CFAP77: variants seen among roughly 807,000 people sequenced by gnomAD.
CFAP77 encodes cilia and flagella associated protein 77.
In CFAP77, 25 loss-of-function variants were observed where a neutral mutation model predicts 31.1. That is an observed-to-expected ratio of 0.80 (90% CI 0.59 to 1.12). The LOEUF (loss-of-function observed/expected upper bound fraction) is 1.12, where lower values mean the gene tolerates loss of function less well. Among genes scored for constraint, CFAP77 ranks in the 50% most tolerant of loss-of-function variants. The pLI is 0.00. For synonymous variants in CFAP77, 151 were observed against 159.9 expected (o/e 0.94, Z 0.42); for missense variants, 377 against 397.3 (o/e 0.95, Z 0.44).
rs763407211 is a variant in CFAP77 at position 132,410,495 on chromosome 9, G to C, written c.195+29G>C. ...AGCACCCCACGCCCACCGCGCTTTC[G>C]CTGTCGCCGGCTCCGGGCACCTGCG... On this transcript the variant is annotated intron_variant, in intron 1 of 5. Transcript: ENST00000393216. The C allele has an allele frequency of 6.6e-6, 10 of 1,519,454 alleles. No homozygotes were observed. The East Asian group carries it at 2.2e-4, about 33-fold the overall frequency. 94.1% of individuals were successfully genotyped at this position (1,519,454 alleles called of 1,614,324 possible). A position where few individuals can be genotyped will look rare whatever the true frequency, so the allele number is the denominator to read the frequency against.
At chr9:132,418,723 T>A (rs190333558) in intron 1 of CFAP77, among the ~76,000 whole-genome samples, 1 of 152,326 alleles carries the variant, frequency 6.6e-6, no homozygotes, top group East Asian at 1.9e-4. Flanking sequence ...GGCTCAATAA[T>A]TCATTAGATA....
rs1315895029 is a variant in CFAP77 at position 132,486,062 on chromosome 9, GTGTGTATA to G, written c.196-12631_196-12624del. Among the ~76,000 whole-genome samples the G allele has an allele frequency of 2.8e-4, 6 of 21,532 alleles. 2 individuals carry two copies. In the African/African-American group the frequency reaches 3.5e-3, roughly 13 times the overall value. 14.1% of individuals were successfully genotyped at this position (21,532 alleles called of 152,430 possible). On this transcript the variant is annotated intron_variant, in intron 1 of 5. Transcript: ENST00000393216. ...TATATGTATGTATATGTATGTGTGTGTGTGTATATATATATATATATATATATATTTTT... is the reference window on the plus strand; with the variant it reads ...TATATGTATGTATATGTATGTGTGTGTATATATATATATATATATATTTTT...
At position 132,455,917 on chromosome 9, in the gene CFAP77, GC is replaced by G. The variant is rs1850904676; in HGVS notation, c.196-42776del. 6.6e-6 allele frequency among the ~76,000 whole-genome samples: 1 copy of G among 152,200 alleles called. No homozygotes were observed. Among genetic ancestry groups the G allele is most frequent in the Admixed American group, 6.5e-5 (1 of 15,286 alleles). On this transcript the variant is annotated intron_variant, in intron 1 of 5. Coordinates refer to ENST00000393216, the MANE Select transcript of CFAP77 (RefSeq NM_001282957.2). This position sits in a 1 kb window ranked among gnomAD's most constrained non-coding sequence, Gnocchi z 4.1. Reference sequence around the variant, plus strand: ...AGACCCGAGTTCTCATCCAGCGTCAGCCACTTATTAGCTGTATAACCTTGAG... The same window carrying G: ...AGACCCGAGTTCTCATCCAGCGTCAGCACTTATTAGCTGTATAACCTTGAG...
intron 3 of CFAP77, among the ~76,000 whole-genome samples, chr9:132,533,649 A>C (rs7848753): frequency 0.022 from 3,364 of 152,352 alleles, 67 homozygotes; most frequent in Middle Eastern, 0.061. Flanking sequence ...TGGGAGGCCA[A>C]GGTGGGTGGA....
At chr9:132,558,632 G>C (rs949344344) in intron 5 of CFAP77, among the ~76,000 whole-genome samples, 2 of 152,040 alleles carry the variant, frequency 1.3e-5, no homozygotes, top group Admixed American at 6.6e-5. Flanking sequence ...TTGAATCCAG[G>C]AGGCAGAGGT....
chr9:132,477,037 G>A (rs1005811389), intron 1 of CFAP77, among the ~76,000 whole-genome samples: 6 of 152,262 alleles, frequency 3.9e-5, no homozygotes, highest in African/African-American at 1.2e-4. Flanking sequence ...CTGGTCTTGG[G>A]GCTGCCGGAG....
intron 3 of CFAP77, among the ~76,000 whole-genome samples, chr9:132,532,110 AAAAC>A (rs1243243864): frequency 6.6e-6 from 1 of 150,610 alleles, no homozygotes; most frequent in Non-Finnish European, 1.5e-5. Flanking sequence ...AAAGAACTGG[AAAAC>A]AAAGAACCAC....
intron 5 of CFAP77, among the ~76,000 whole-genome samples, chr9:132,557,990 C>A (rs1483920255): frequency 6.6e-6 from 1 of 152,168 alleles, no homozygotes; most frequent in Non-Finnish European, 1.5e-5. Flanking sequence ...CTCCCGTGCC[C>A]ACGGCAGACC....
chr9:132,564,696 A>G lies in CFAP77; in HGVS notation c.733-7692A>G, dbSNP rs1829863515. Among the ~76,000 whole-genome samples the G allele has an allele frequency of 6.6e-6, 1 of 152,262 alleles. No homozygotes were observed. The highest frequency in any genetic ancestry group is 1.5e-5 in the Non-Finnish European group (1 of 68,050). ...CTAAGCCAACGACTCTAGATGCTAGAAAAAGAACAACAGAGTAAACATTAG... is the reference window on the plus strand; with the variant it reads ...CTAAGCCAACGACTCTAGATGCTAGGAAAAGAACAACAGAGTAAACATTAG... On this transcript the variant is annotated intron_variant, in intron 5 of 5. Transcript: ENST00000393216. This position sits in a 1 kb window ranked among gnomAD's most constrained non-coding sequence, Gnocchi z 4.6.
chr9:132,553,119 C>T (rs1305052356), intron 5 of CFAP77, among the ~76,000 whole-genome samples: 1 of 152,170 alleles, frequency 6.6e-6, no homozygotes, highest in East Asian at 1.9e-4. Context: ...TGGCTTATAG[C>T]CAAGGCACCT....
chr9:132,484,929 A>C (rs1218853607), intron 1 of CFAP77, among the ~76,000 whole-genome samples: 1 of 150,658 alleles, frequency 6.6e-6, no homozygotes, highest in Non-Finnish European at 1.5e-5. Flanking sequence ...GGTCACTGCA[A>C]CCTCTGCCTC....
Position 132,499,559 on chromosome 9 carries a change from G to GC in CFAP77, c.488dup (p.Leu164SerfsTer19). On this transcript the variant is annotated frameshift_variant, in exon 3 of 6. Transcript: ENST00000393216. LOFTEE classifies it high-confidence loss of function. The surrounding 1 kb of genome is among the most constrained non-coding windows in gnomAD (Gnocchi z 5.4). ...ATGACCGGCGCATGAAGAAAGAGCC[G>GC]CCCCCTCTCCCTCCAAACATGACAT... The GC allele has an allele frequency of 3.7e-6, 6 of 1,614,194 alleles. No homozygotes were observed. Among genetic ancestry groups the GC allele is most frequent in the African/African-American group, 2.7e-5 (2 of 75,054 alleles).
intron 1 of CFAP77, among the ~76,000 whole-genome samples, chr9:132,447,359 G>A (rs1468707121): frequency 6.6e-6 from 1 of 152,164 alleles, no homozygotes; most frequent in African/African-American, 2.4e-5. Flanking sequence ...TGTGTTAGAG[G>A]ACCTCTTCCA....
intron 1 of CFAP77, among the ~76,000 whole-genome samples, chr9:132,421,054 C>G (rs1850208404): frequency 7.4e-6 from 1 of 135,654 alleles, no homozygotes; most frequent in Non-Finnish European, 1.5e-5. Context: ...GTCACCCAGG[C>G]TGGAGTGCAG....
intron 1 of CFAP77, among the ~76,000 whole-genome samples, chr9:132,462,083 G>A (rs934775401): frequency 2.0e-5 from 3 of 152,106 alleles, no homozygotes; most frequent in African/African-American, 4.8e-5. Context: ...GAGAGGTAGC[G>A]ATTAGTAACT....
At chr9:132,531,627 G>GAGC (rs60407761) in intron 3 of CFAP77, among the ~76,000 whole-genome samples, 1 of 144,270 alleles carries the variant, frequency 6.9e-6, no homozygotes, top group African/African-American at 2.6e-5. Context: ...CTAAGACATG[G>GAGC]GGGGGGGGGC....
At chr9:132,465,187 G>A (rs765489238) in intron 1 of CFAP77, among the ~76,000 whole-genome samples, 14 of 151,916 alleles carry the variant, frequency 9.2e-5, no homozygotes, top group Non-Finnish European at 1.8e-4. Flanking sequence ...GTCTGAAGGA[G>A]TCTCTTAAAA....
At chr9:132,551,743 T>C (rs1332180444) in intron 5 of CFAP77, among the ~76,000 whole-genome samples, 1 of 152,312 alleles carries the variant, frequency 6.6e-6, no homozygotes, top group South Asian at 2.1e-4. Flanking sequence ...ATAGCTAGCA[T>C]GTGGCCAGGT....
At chr9:132,569,649 G>A (rs1012629250) in intron 5 of CFAP77, among the ~76,000 whole-genome samples, 1 of 151,742 alleles carries the variant, frequency 6.6e-6, no homozygotes, top group Non-Finnish European at 1.5e-5. Context: ...GGTCCAAGCC[G>A]GCTGGACACC....
Sources: gnomAD v4.1 joint callset for allele counts (sites outside exome capture counted in the v4.1 genomes callset) on GRCh38, gnomAD v4.1.1 for gene constraint, Gnocchi (gnomAD v3.1) non-coding constraint, MANE v1.5 for transcripts, NCBI Gene and HGNC (gene_info 2026-07-23, HGNC 2026-07-21) for gene names.